The following NAPEPLD variants were observed in gnomAD, a reference collection of about 807,000 sequenced individuals.
NAPEPLD encodes the protein N-acyl phosphatidylethanolamine phospholipase D.
NAPEPLD carries 23 observed loss-of-function variants against 38.1 expected under a neutral mutation model. The ratio of observed to expected loss-of-function variants is 0.60; its 90% confidence interval spans 0.43 to 0.86. The LOEUF is 0.86. Among genes scored for constraint, NAPEPLD ranks in the 40% least tolerant of loss-of-function variants. The pLI is 0.00. For missense variants in NAPEPLD, 411 were observed against 476.8 expected (o/e 0.86, Z 1.28); for synonymous variants, 147 against 162.0 (o/e 0.91, Z 0.71).
At chr7:103,142,398 G>A (rs1233499960) in intron 1 of NAPEPLD, among the ~76,000 whole-genome samples, 3 of 152,124 alleles carry the variant, frequency 2.0e-5, no homozygotes, top group Admixed American at 1.3e-4. Context: ...TTGAGGTCAG[G>A]AGTTCGAGAC....
chr7:103,142,193 C>CTGCCT (rs1456311866), intron 1 of NAPEPLD, among the ~76,000 whole-genome samples: 1 of 152,210 alleles, frequency 6.6e-6, no homozygotes, highest in Non-Finnish European at 1.5e-5. Flanking sequence ...GCTAGCCTGG[C>CTGCCT]AGCTGCCTAC....
rs1802467738 is a variant in NAPEPLD, at chr7:103,101,999, T to TCCCACCCCCCCCCCC, written c.*1429_*1430insGGGGGGGGGGGTGGG. ...AGGACTAAATCTTATGTCAACTGACTCCCCCCCCGCCCCCCAACCACTGGC... is the reference window on the plus strand; with the variant it reads ...AGGACTAAATCTTATGTCAACTGACTCCCACCCCCCCCCCCCCCCCCCCGCCCCCCAACCACTGGC... On this transcript the variant is annotated 3_prime_UTR_variant, in exon 5 of 5. Transcript: ENST00000465647. 8.0e-6 allele frequency: 1 copy of TCCCACCCCCCCCCCC among 124,676 alleles called. No homozygotes were observed. Among genetic ancestry groups the TCCCACCCCCCCCCCC allele is most frequent in the Non-Finnish European group, 1.6e-5 (1 of 61,082 alleles). The allele number at this position is 124,676 out of a possible 1,614,324, so 7.7% of individuals were successfully genotyped here.
Position 103,128,374 on chromosome 7 carries a change from T to A in NAPEPLD, c.294+109A>T, listed in dbSNP as rs764462815. The A allele has an allele frequency of 3.3e-4, 432 of 1,327,404 alleles. 1 individual carries two copies. Among genetic ancestry groups the A allele is most frequent in the Middle Eastern group, 1.9e-3 (10 of 5,258 alleles). 82.2% of individuals were successfully genotyped at this position (1,327,404 alleles called of 1,614,324 possible). A position where few individuals can be genotyped will look rare whatever the true frequency, so the allele number is the denominator to read the frequency against. ...TAGGGCCTAGGTTACACCTATCCAC[T>A]TTATCTCCTCAGACCTAATTCTATG... On this transcript the variant is annotated intron_variant, in intron 2 of 4. Transcript: ENST00000465647.
At chr7:103,113,308 ATTCCTTCTCCCAACAGTGGCC>A (rs1205161860) in intron 4 of NAPEPLD, among the ~76,000 whole-genome samples, 3 of 152,140 alleles carry the variant, frequency 2.0e-5, no homozygotes, top group Non-Finnish European at 2.9e-5. Context: ...TCATTATTCT[ATTCCTTCTCCCAACAGTGGCC>A]AAGAATTGCT....
chr7:103,139,908 A>C (rs1382539536), intron 1 of NAPEPLD, among the ~76,000 whole-genome samples: 1 of 152,214 alleles, frequency 6.6e-6, no homozygotes, highest in Non-Finnish European at 1.5e-5. Context: ...TGAGGTTCTA[A>C]GGGACTTTAA....
intron 1 of NAPEPLD, among the ~76,000 whole-genome samples, chr7:103,129,604 C>T (rs1432521868): frequency 2.0e-5 from 3 of 152,134 alleles, no homozygotes. Context: ...AAAGAACAGC[C>T]AGTCCAAATC....
At chr7:103,118,887 G>A (rs1310677022) in intron 3 of NAPEPLD, among the ~76,000 whole-genome samples, 1 of 152,208 alleles carries the variant, frequency 6.6e-6, no homozygotes, top group East Asian at 1.9e-4. Context: ...GTTGGAGGAT[G>A]AGTGGTGAGT....
chr7:103,120,194 CT>C lies in NAPEPLD; in HGVS notation c.323del (p.Lys108SerfsTer13), dbSNP rs1343262899. ...CTTCAGGGTTAGTGATAAAATATGGCTTAAGCACTGGGAGTTCTTTGTCTAG... is the reference window on the plus strand; with the variant it reads ...CTTCAGGGTTAGTGATAAAATATGGCTAAGCACTGGGAGTTCTTTGTCTAG... ...EELDKELPVL[K>X]PYFITNPEEA... On this transcript the variant is annotated frameshift_variant, in exon 3 of 5. Coordinates refer to ENST00000465647, the MANE Select transcript of NAPEPLD (RefSeq NM_001122838.3). LOFTEE classifies it high-confidence loss of function. 6.2e-7 allele frequency: 1 copy of C among 1,613,794 alleles called. No homozygotes were observed. The highest frequency in any genetic ancestry group is 1.7e-5 in the Admixed American group (1 of 60,010).
intron 2 of NAPEPLD, among the ~76,000 whole-genome samples, chr7:103,125,920 TA>T (rs1249138601): frequency 1.5e-5 from 2 of 133,262 alleles, no homozygotes; most frequent in South Asian, 2.4e-4. Context: ...ATAATAATAA[TA>T]AATAAAAATG....
rs1802310840 is a variant in NAPEPLD, at chr7:103,100,962, A to C, written c.*2467T>G. 1 of 152,248 alleles carries C rather than the reference A, an allele frequency of 6.6e-6. No homozygotes were observed. The highest frequency in any genetic ancestry group is 1.9e-4 in the East Asian group (1 of 5,204). The allele number at this position is 152,248 out of a possible 1,614,324, so 9.4% of individuals were successfully genotyped here. A position where few individuals can be genotyped will look rare whatever the true frequency, so the allele number is the denominator to read the frequency against. ...AATGAGGCAGGCCAGACGAGTGGAA[A>C]TAGAACACAACAGTTTAAAGTGCTT... is the stretch of plus-strand genomic sequence containing the variant. On this transcript the variant is annotated 3_prime_UTR_variant, in exon 5 of 5. Coordinates refer to ENST00000465647, the MANE Select transcript of NAPEPLD (RefSeq NM_001122838.3).
At chr7:103,121,222 G>A (rs1806627412) in intron 2 of NAPEPLD, among the ~76,000 whole-genome samples, 1 of 152,142 alleles carries the variant, frequency 6.6e-6, no homozygotes, top group African/African-American at 2.4e-5. Flanking sequence ...CTATAACAAA[G>A]CGTGAAGAGT....
intron 1 of NAPEPLD, among the ~76,000 whole-genome samples, chr7:103,139,669 A>T (rs1450369228): frequency 6.6e-6 from 1 of 152,202 alleles, no homozygotes; most frequent in Non-Finnish European, 1.5e-5. Context: ...CTCACAAATG[A>T]ATTTGGCAAA....
intron 4 of NAPEPLD, among the ~76,000 whole-genome samples, chr7:103,105,211 T>G (rs908620376): frequency 2.6e-5 from 4 of 152,068 alleles, no homozygotes; most frequent in Non-Finnish European, 5.9e-5. Flanking sequence ...AAATGCCCCA[T>G]AACCATGGGA....
At position 103,103,563 on chromosome 7, in the gene NAPEPLD, A is replaced by G; in HGVS notation, c.1057-9T>C. On this transcript the variant is annotated splice_polypyrimidine_tract_variant and intron_variant, in intron 4 of 4. Coordinates refer to ENST00000465647, the MANE Select transcript of NAPEPLD (RefSeq NM_001122838.3). ...GGAGGCTCTAAGTAATGCTGGCCAAAGAGAAAGAAGAAAAATAGAAAAAGA... is the reference window on the plus strand; with the variant it reads ...GGAGGCTCTAAGTAATGCTGGCCAAGGAGAAAGAAGAAAAATAGAAAAAGA... 1 of 1,566,336 alleles carries G rather than the reference A, an allele frequency of 6.4e-7. No individual in the cohort carries two copies. The highest frequency in any genetic ancestry group is 1.2e-5 in the South Asian group (1 of 80,820).
chr7:103,125,921 A>AATAAT (rs1193736262), intron 2 of NAPEPLD, among the ~76,000 whole-genome samples: 35 of 141,506 alleles, frequency 2.5e-4, no homozygotes, highest in African/African-American at 8.3e-4. Flanking sequence ...TAATAATAAT[A>AATAAT]AATAAAAATG....
chr7:103,108,183 C>T (rs1457564565), intron 4 of NAPEPLD, among the ~76,000 whole-genome samples: 2 of 145,544 alleles, frequency 1.4e-5, no homozygotes, highest in African/African-American at 5.2e-5. Flanking sequence ...TGCTCTGTCA[C>T]CCAGGTTGGA....
intron 3 of NAPEPLD, among the ~76,000 whole-genome samples, chr7:103,116,584 T>C (rs1475586826): frequency 2.0e-5 from 3 of 152,186 alleles, no homozygotes; most frequent in Non-Finnish European, 4.4e-5. Flanking sequence ...GTACATAAAA[T>C]TTAAAGACCA....
chr7:103,141,487 G>A (rs147620044), intron 1 of NAPEPLD: 1 of 1,369,734 alleles, frequency 7.3e-7, no homozygotes. Flanking sequence ...GGAGCTTCTT[G>A]CGGGCCTTGT....
chr7:103,128,805 AG>A lies in NAPEPLD; in HGVS notation c.-16-14del. The A allele has an allele frequency of 2.5e-6, 4 of 1,593,116 alleles. No individual in the cohort carries two copies. Among genetic ancestry groups the A allele is most frequent in the Admixed American group, 3.6e-5 (2 of 55,414 alleles). On this transcript the variant is annotated splice_polypyrimidine_tract_variant and intron_variant, in intron 1 of 4. Transcript: ENST00000465647. ...CTTTGGTGAAGAACTAAAAAAAACAAGGGGGAAAAATACTGAGTTGAACATA... is the reference window on the plus strand; with the variant it reads ...CTTTGGTGAAGAACTAAAAAAAACAAGGGGAAAAATACTGAGTTGAACATA...
Sources: gnomAD v4.1 joint callset for allele counts (sites outside exome capture counted in the v4.1 genomes callset) on GRCh38, gnomAD v4.1.1 for gene constraint, MANE v1.5 for transcripts, NCBI Gene and HGNC (gene_info 2026-07-23, HGNC 2026-07-21) for gene names.